Variants in PRRC2A observed in about 807,000 individuals in gnomAD.
The protein encoded by PRRC2A is proline rich coiled-coil 2A.
A neutral mutation model predicts 224.6 loss-of-function variants in PRRC2A; 59 were observed. The observed-to-expected ratio is 0.26, with a 90% CI of 0.21 to 0.33. The LOEUF (loss-of-function observed/expected upper bound fraction) is 0.33. Ranked by LOEUF, PRRC2A falls within the 10% of genes least tolerant of loss-of-function variation. The pLI is 1.00. For missense variants in PRRC2A, 3,095 were observed against 2,880.7 expected, an observed-to-expected ratio of 1.07 and a Z score of -1.70; for synonymous variants, 1,194 against 1,109.5, an observed-to-expected ratio of 1.08 and a Z score of -1.51.
At position 31,627,632 on chromosome 6, in the gene PRRC2A, C is replaced by G. The variant is rs1776061102; in HGVS notation, c.1291-133C>G. Reference sequence around the variant, plus strand: ...AAGACCAGGATAATGAGTTTGTCACCACCCAGAGAGATCAACCCCAAAGCC... The same window carrying G: ...AAGACCAGGATAATGAGTTTGTCACGACCCAGAGAGATCAACCCCAAAGCC... On this transcript the variant is annotated intron_variant, in intron 11 of 30. Transcript: ENST00000376033. The surrounding 1 kb of genome is among the most constrained non-coding windows in gnomAD (Gnocchi z 5.6). The G allele has an allele frequency of 1.7e-6, 2 of 1,165,126 alleles. No individual in the cohort carries two copies. The highest frequency in any genetic ancestry group is 1.2e-6 in the Non-Finnish European group (1 of 843,270). The allele number at this position is 1,165,126 out of a possible 1,614,324, so 72.2% of individuals were successfully genotyped here.
At position 31,629,128 on chromosome 6, in the gene PRRC2A, G is replaced by A; in HGVS notation, c.1766-16G>A. ...TTGTTGGACTAGATCACTCTGTTGT[G>A]TTTTTTCCGATGCAGTGGAACCACA... is the stretch of plus-strand genomic sequence containing the variant. On this transcript the variant is annotated splice_polypyrimidine_tract_variant and intron_variant, in intron 12 of 30. Coordinates refer to ENST00000376033, the MANE Select transcript of PRRC2A (RefSeq NM_004638.4). 6.2e-7 allele frequency: 1 copy of A among 1,613,724 alleles called. No homozygotes were observed. The highest frequency in any genetic ancestry group is 8.5e-7 in the Non-Finnish European group (1 of 1,179,878).
In PRRC2A at chr6:31,627,769, G is replaced by A. The variant is rs767581234; in HGVS notation, c.1295G>A (p.Arg432His). 12 of 1,611,996 alleles carry A rather than the reference G, an allele frequency of 7.4e-6. No homozygotes were observed. The East Asian group carries it at 8.9e-5, about 12-fold the overall frequency. Residue 432 changes from arginine to histidine, a missense_variant, in exon 12 of 31, where the codon CGT (arginine) becomes CAT (histidine). Physicochemically the swap from Arg to His is conservative, Grantham distance 29 (BLOSUM62 0). Transcript: ENST00000376033. The surrounding 1 kb of genome is among the most constrained non-coding windows in gnomAD (Gnocchi z 5.6). ...NWGPPGDYPD[R>H]GGPPCKPPAP... ...CTGGGTCTTGCCAATTGACAGGATC[G>A]TGGGGGTCCTCCCTGCAAGCCCCCA...
rs371386291 is a variant in PRRC2A at position 31,625,619 on chromosome 6, T to C, written c.759+8T>C. On this transcript the variant is annotated splice_region_variant and intron_variant, in intron 7 of 30. Transcript: ENST00000376033. The surrounding 1 kb of genome is among the most constrained non-coding windows in gnomAD (Gnocchi z 4.1). ...GGAATGATGCCGCCTTTCGTGAGTC[T>C]TGGTGTCTTGTCTTGGAACGATTAC... 7.5e-5 allele frequency: 120 copies of C among 1,591,606 alleles called. No homozygotes were observed. The highest frequency in any genetic ancestry group is 9.5e-5 in the Non-Finnish European group (111 of 1,167,636).
In PRRC2A at chr6:31,637,426, AAC is replaced by A; in HGVS notation, c.6334-16_6334-15del. 6.3e-7 allele frequency: 1 copy of A among 1,596,092 alleles called. No homozygotes were observed. Among genetic ancestry groups the A allele is most frequent in the Non-Finnish European group, 8.6e-7 (1 of 1,169,344 alleles). ...GACCTCTCACTGTGACTCACTGTTTAACACATGCCTGTCCCCTAGGCCTCCCC... is the reference window on the plus strand; with the variant it reads ...GACCTCTCACTGTGACTCACTGTTTAACATGCCTGTCCCCTAGGCCTCCCC... On this transcript the variant is annotated intron_variant, in intron 30 of 30. Coordinates refer to ENST00000376033, the MANE Select transcript of PRRC2A (RefSeq NM_004638.4).
chr6:31,637,201 C>T, intron 29 of PRRC2A, 33 bp from the exon 30 acceptor site: 1 of 1,606,276 alleles, frequency 6.2e-7, no homozygotes. Context: ...GGTCTGGATC[C>T]TAGGCTTGCC....
At position 31,635,409 on chromosome 6, in the gene PRRC2A, C is replaced by G. The variant is rs781692173; in HGVS notation, c.5317C>G (p.Leu1773Val). The G allele has an allele frequency of 6.2e-7, 1 of 1,614,206 alleles. No individual in the cohort carries two copies. The change falls in exon 23 of 31, where the codon CTA becomes GTA. Residue 1773 changes from leucine (L) to valine (V), a missense_variant. Coordinates refer to ENST00000376033, the MANE Select transcript of PRRC2A (RefSeq NM_004638.4). ...GTSDKDSDLR[L>V]VVGDSLKAEK... Reference sequence around the variant, plus strand: ...GTGATCACAGGACTCAGACTTACGCCTAGTGGTAGGAGACAGCTTGAAAGC... The same window carrying G: ...GTGATCACAGGACTCAGACTTACGCGTAGTGGTAGGAGACAGCTTGAAAGC...
Position 31,634,557 on chromosome 6 carries a change from A to T in PRRC2A, c.4935A>T (p.Glu1645Asp). The change falls in exon 20 of 31, where the codon GAA becomes GAT. Residue 1645 changes from glutamate to aspartate, a missense_variant and splice_region_variant. Glu to Asp is a conservative substitution (Grantham distance 45, BLOSUM62 2). This residue lies in a region of PRRC2A where 2,001 missense variants were observed against 1,764.9 expected (regional missense o/e 1.13). Coordinates refer to ENST00000376033, the MANE Select transcript of PRRC2A (RefSeq NM_004638.4). ...LSPFEDVAGTEMSQSDSGVDL... is the reference protein window; with the variant it reads ...LSPFEDVAGTDMSQSDSGVDL... ...CTTTTGAGGATGTGGCTGGCACAGAAGTGAGTGAGGGTGGGAGGGTGTGTC... is the reference window on the plus strand; with the variant it reads ...CTTTTGAGGATGTGGCTGGCACAGATGTGAGTGAGGGTGGGAGGGTGTGTC... 1 of 1,611,142 alleles carries T rather than the reference A, an allele frequency of 6.2e-7. No individual in the cohort carries two copies.
At position 31,636,300 on chromosome 6, in the gene PRRC2A, A is replaced by G; in HGVS notation, c.5716A>G (p.Thr1906Ala). The G allele has an allele frequency of 6.2e-7, 1 of 1,612,908 alleles. No individual in the cohort carries two copies. The highest frequency in any genetic ancestry group is 2.2e-5 in the East Asian group (1 of 44,872). ...CAAGGGCCAGTTTCTGGATTTCTCC[A>G]CAATGCAAGCTACAGAGCTGGGGAA... ...ALKGQFLDFSTMQATELGKLP... is the reference protein window; with the variant it reads ...ALKGQFLDFSAMQATELGKLP... The change falls in exon 26 of 31, where the codon ACA (threonine) becomes GCA (alanine). Residue 1906 changes from threonine (T) to alanine (A), a missense_variant. Thr to Ala is a moderately conservative substitution (Grantham distance 58). Coordinates refer to ENST00000376033, the MANE Select transcript of PRRC2A (RefSeq NM_004638.4). The surrounding 1 kb of genome is among the most constrained non-coding windows in gnomAD (Gnocchi z 4.3).
chr6:31,636,475 TG>T lies in PRRC2A; in HGVS notation c.5836-30del. ...GGATAGGGTAGGGAGAATGATTTTG[TG>T]GGGGTTGATATATTTCTCCCTGTTT... On this transcript the variant is annotated intron_variant, in intron 26 of 30. Coordinates refer to ENST00000376033, the MANE Select transcript of PRRC2A (RefSeq NM_004638.4). The surrounding 1 kb of genome is among the most constrained non-coding windows in gnomAD (Gnocchi z 4.3). 6.2e-7 allele frequency: 1 copy of T among 1,609,234 alleles called. No individual in the cohort carries two copies. Among genetic ancestry groups the T allele is most frequent in the Non-Finnish European group, 8.5e-7 (1 of 1,177,012 alleles).
rs1777135508 is a variant in PRRC2A, at chr6:31,634,935, T to G, written c.5118T>G (p.Pro1706=). ...GTGAGGGTCCACCTGGCTCTGAACC[T>G]CCTAGGAGACCACCACCTGCCCCCC... ...VPCEGPPGSE[P]PRRPPPAPHD... The change falls in exon 21 of 31, where the codon CCT becomes CCG. Residue 1706 remains proline (P), a synonymous_variant. Coordinates refer to ENST00000376033, the MANE Select transcript of PRRC2A (RefSeq NM_004638.4). The G allele has an allele frequency of 6.2e-6, 10 of 1,612,508 alleles. No homozygotes were observed. Among genetic ancestry groups the G allele is most frequent in the Non-Finnish European group, 7.6e-6 (9 of 1,179,882 alleles).
At chr6:31,624,415 C>T (rs1775658701) in intron 4 of PRRC2A, 35 bp from the exon 5 acceptor site, 1 of 1,608,266 alleles carries the variant, frequency 6.2e-7, no homozygotes, top group Admixed American at 1.7e-5. Context: ...CTGCCCCACC[C>T]ACATCATTTA....
In PRRC2A at chr6:31,635,544, T is replaced by A. The variant is rs377600245; in HGVS notation, c.5374-38T>A. 37 of 1,611,444 alleles carry A rather than the reference T, an allele frequency of 2.3e-5. No individual in the cohort carries two copies. The African/African-American group carries it at 4.4e-4, about 19-fold the overall frequency. ...CTGGGAGTGACCAGGGCGTCCAGGATGCCAGACATCCCTCTCCACGAGGCC... is the reference window on the plus strand; with the variant it reads ...CTGGGAGTGACCAGGGCGTCCAGGAAGCCAGACATCCCTCTCCACGAGGCC... On this transcript the variant is annotated intron_variant, in intron 23 of 30. Transcript: ENST00000376033.
In PRRC2A at chr6:31,627,995, GCCTGCTGCCCCA is replaced by G. The variant is rs149965706; in HGVS notation, c.1533_1544del (p.Pro512_Pro515del). On this transcript the variant is annotated inframe_deletion, in exon 12 of 31. Transcript: ENST00000376033. The surrounding 1 kb of genome is among the most constrained non-coding windows in gnomAD (Gnocchi z 5.6). ...CACCTGACAAGCGGCTCAAAGCAGA[GCCTGCTGCCCCA>G]CCTGCTGCCCCTTCTACCCCAGCTC... 0.13 allele frequency: 214,538 copies of G among 1,611,966 alleles called. 16,591 individuals are homozygous for G. Among genetic ancestry groups the G allele is most frequent in the Admixed American group, 0.21 (12,692 of 59,996 alleles).
chr6:31,636,546 TCTA>T lies in PRRC2A; in HGVS notation c.5875_5877del (p.Thr1959del). Reference sequence around the variant, plus strand: ...TCTGCCATCCCCTTCGGATTTTTATTCTACTCCTCTGCAGCCTGGTGGCCAAAG... The same window carrying T: ...TCTGCCATCCCCTTCGGATTTTTATTCTCCTCTGCAGCCTGGTGGCCAAAG... On this transcript the variant is annotated inframe_deletion, in exon 27 of 31. Coordinates refer to ENST00000376033, the MANE Select transcript of PRRC2A (RefSeq NM_004638.4). This position sits in a 1 kb window ranked among gnomAD's most constrained non-coding sequence, Gnocchi z 4.3. 6.2e-7 allele frequency: 1 copy of T among 1,609,460 alleles called. No homozygotes were observed. Among genetic ancestry groups the T allele is most frequent in the Non-Finnish European group, 8.5e-7 (1 of 1,178,330 alleles).
rs754200548 is a variant in PRRC2A at position 31,632,543 on chromosome 6, C to T, written c.3870C>T (p.Leu1290=). The T allele has an allele frequency of 1.2e-6, 2 of 1,610,946 alleles. No individual in the cohort carries two copies. The highest frequency in any genetic ancestry group is 1.7e-6 in the Non-Finnish European group (2 of 1,178,790). ...PASAPGPEEA[L]TTVTVAPAPR... is the part of the protein sequence containing the mutation. ...CCGCTCCTGGACCTGAGGAGGCCCTCACAACAGTCACAGTGGCCCCAGCAC... is the reference window on the plus strand; with the variant it reads ...CCGCTCCTGGACCTGAGGAGGCCCTTACAACAGTCACAGTGGCCCCAGCAC... The change falls in exon 16 of 31, where the codon CTC becomes CTT. Residue 1290 remains leucine (L), a synonymous_variant. Transcript: ENST00000376033.
In PRRC2A at chr6:31,635,357, T is replaced by C. The variant is rs571200066; in HGVS notation, c.5302-37T>C. 2.5e-6 allele frequency: 4 copies of C among 1,613,950 alleles called. No homozygotes were observed. In the East Asian group the frequency reaches 8.9e-5, roughly 36 times the overall value. ...GTGGGACATAGAGGACACATGTCTG[T>C]CACGGGACAATGTCTCCTGCCTTCT... On this transcript the variant is annotated intron_variant, in intron 22 of 30. Coordinates refer to ENST00000376033, the MANE Select transcript of PRRC2A (RefSeq NM_004638.4).
rs1409616882 is a variant in PRRC2A at position 31,628,133 on chromosome 6, T to C, written c.1659T>C (p.Pro553=). 1 of 1,613,006 alleles carries C rather than the reference T, an allele frequency of 6.2e-7. No homozygotes were observed. Among genetic ancestry groups the C allele is most frequent in the African/African-American group, 1.3e-5 (1 of 74,910 alleles). The change falls in exon 12 of 31, where the codon CCT becomes CCC. Residue 553 remains proline, a synonymous_variant. Coordinates refer to ENST00000376033, the MANE Select transcript of PRRC2A (RefSeq NM_004638.4). ...ETEPEEPAQA[P]PAQSTPTPGV... is the part of the protein sequence containing the mutation. ...AACCTGAAGAGCCAGCACAGGCCCC[T>C]CCTGCCCAATCTACTCCTACTCCAG... is the stretch of plus-strand genomic sequence containing the variant.
Position 31,634,907 on chromosome 6 carries a change from C to T in PRRC2A, c.5090C>T (p.Pro1697Leu), listed in dbSNP as rs1456892347. The part of the protein sequence containing the change: ...PGGSSPLNAV[P>L]CEGPPGSEPP... ...GGCTCCTCACCCCTGAATGCTGTTC[C>T]TTGTGAGGGTCCACCTGGCTCTGAA... The change falls in exon 21 of 31, where the codon CCT becomes CTT. Residue 1697 changes from proline (P) to leucine (L), a missense_variant. Around this residue, in one of 8 missense-constraint regions of PRRC2A, gnomAD observed 662 missense variants for 609.5 expected, o/e 1.09. Coordinates refer to ENST00000376033, the MANE Select transcript of PRRC2A (RefSeq NM_004638.4). 6.2e-7 allele frequency: 1 copy of T among 1,613,022 alleles called. No individual in the cohort carries two copies. Among genetic ancestry groups the T allele is most frequent in the East Asian group, 2.2e-5 (1 of 44,886 alleles).
Position 31,631,180 on chromosome 6 carries a change from C to A in PRRC2A, c.2507C>A (p.Ala836Asp). 1 of 1,572,810 alleles carries A rather than the reference C, an allele frequency of 6.4e-7. No individual in the cohort carries two copies. The highest frequency in any genetic ancestry group is 2.2e-5 in the East Asian group (1 of 44,504). ...GTACCTCCCCCACCACCCTATCTGG[C>A]CAGTTATCCAGGCTTTCCTGAGAAT... is the stretch of plus-strand genomic sequence containing the variant. The part of the protein sequence containing the change: ...PPVPPPPPYL[A>D]SYPGFPENGA... The change falls in exon 16 of 31, where the codon GCC becomes GAC. Residue 836 changes from alanine to aspartate, a missense_variant. Transcript: ENST00000376033. This position sits in a 1 kb window ranked among gnomAD's most constrained non-coding sequence, Gnocchi z 4.5.
Sources: allele counts gnomAD v4.1 joint callset, GRCh38; gene constraint gnomAD v4.1.1; regional missense constraint gnomAD v4.1.1; non-coding constraint Gnocchi (gnomAD v3.1); transcripts MANE v1.5; gene names NCBI Gene and HGNC (gene_info 2026-07-23, HGNC 2026-07-21).